Variants in GPC5 observed in about 807,000 individuals in gnomAD.
GPC5 encodes glypican-5.
A neutral mutation model predicts 53.9 loss-of-function variants in GPC5; 47 were observed. The ratio of observed to expected loss-of-function variants is 0.87; its 90% confidence interval spans 0.69 to 1.11. GPC5 has a LOEUF of 1.11. Ranked by LOEUF, GPC5 falls within the 50% of genes most tolerant of loss-of-function variation. The pLI is 0.00. For synonymous variants in GPC5, 286 were observed against 263.3 expected (o/e 1.09, Z -0.84); for missense variants, 748 against 713.1 (o/e 1.05, Z -0.56).
chr13:91,627,622 CT>C (rs1003618305), intron 2 of GPC5, among the ~76,000 whole-genome samples: 18 of 151,882 alleles, frequency 1.2e-4, no homozygotes, highest in African/African-American at 4.4e-4. Flanking sequence ...GATTCTTGTC[CT>C]TGGCCTGAAA....
At chr13:92,075,469 T>A (rs2041244953) in intron 6 of GPC5, among the ~76,000 whole-genome samples, 1 of 152,188 alleles carries the variant, frequency 6.6e-6, no homozygotes. Context: ...AGACATATAT[T>A]TGACCCAATT....
At position 92,163,406 on chromosome 13, in the gene GPC5, A is replaced by G. The variant is rs545389941; in HGVS notation, c.1561+18417A>G. ...AACCTGGGAGGTGGAGGTTGCAGTG[A>G]GCCGAGATTGCACCACTGCAGTCCT... On this transcript the variant is annotated intron_variant, in intron 7 of 7. Coordinates refer to ENST00000377067, the MANE Select transcript of GPC5 (RefSeq NM_004466.6). Among the ~76,000 whole-genome samples, 3 of 149,068 alleles carry G rather than the reference A, an allele frequency of 2.0e-5. No homozygotes were observed. The Admixed American group carries it at 2.1e-4, about 10-fold the overall frequency.
chr13:92,723,181 A>G (rs1160185925), intron 7 of GPC5, among the ~76,000 whole-genome samples: 4 of 151,722 alleles, frequency 2.6e-5, no homozygotes, highest in African/African-American at 4.8e-5. Context: ...GAAACATCCA[A>G]TCCTGGTACT....
In GPC5 at chr13:92,115,989, G is replaced by A. The variant is rs574881594; in HGVS notation, c.1402-28841G>A. ...GAGATAGCTGGGCATGGTTGCTCAC[G>A]CCTGTAATCCTAGCACTTTGGGAGG... is the stretch of plus-strand genomic sequence containing the variant. On this transcript the variant is annotated intron_variant, in intron 6 of 7. Coordinates refer to ENST00000377067, the MANE Select transcript of GPC5 (RefSeq NM_004466.6). Among the ~76,000 whole-genome samples the A allele has an allele frequency of 7.9e-5, 12 of 152,248 alleles. No homozygotes were observed. The South Asian group carries it at 2.5e-3, about 32-fold the overall frequency.
At chr13:91,890,225 G>A (rs912085557) in intron 5 of GPC5, among the ~76,000 whole-genome samples, 5 of 152,128 alleles carry the variant, frequency 3.3e-5, no homozygotes, top group Admixed American at 1.3e-4. Flanking sequence ...GCAGTCTTTC[G>A]TGGTAGTTCT....
At chr13:92,509,283 C>A (rs1880481126) in intron 7 of GPC5, among the ~76,000 whole-genome samples, 1 of 152,038 alleles carries the variant, frequency 6.6e-6, no homozygotes, top group Admixed American at 6.6e-5. Context: ...AGGGGAATTC[C>A]TTTCTTCCCA....
In GPC5 at chr13:92,306,760, A is replaced by G. The variant is rs537645348; in HGVS notation, c.1561+161771A>G. ...TTCATTAGCATTTAGTTCATCAGTT[A>G]CTGTGCATCTCCTGTGCTCCTCATT... On this transcript the variant is annotated intron_variant, in intron 7 of 7. Transcript: ENST00000377067. Among the ~76,000 whole-genome samples the G allele has an allele frequency of 1.8e-4, 28 of 152,272 alleles. 1 individual carries two copies. The South Asian group carries it at 5.6e-3, about 30-fold the overall frequency.
In GPC5 at chr13:91,765,265, G is replaced by A. The variant is rs562793019; in HGVS notation, c.1280+8845G>A. On this transcript the variant is annotated intron_variant, in intron 5 of 7. Transcript: ENST00000377067. ...TAGGACCAATGAATGAGGGAATGCC[G>A]TAGCAGTTCAATCAGCTTTCTTCAA... 1.8e-4 allele frequency among the ~76,000 whole-genome samples: 28 copies of A among 152,344 alleles called. No homozygotes were observed. The South Asian group carries it at 3.9e-3, about 21-fold the overall frequency.
chr13:91,736,338 A>G (rs1054881692), intron 4 of GPC5, among the ~76,000 whole-genome samples: 1 of 151,474 alleles, frequency 6.6e-6, no homozygotes, highest in East Asian at 1.9e-4. Context: ...GTTTAGATGA[A>G]AAGTGTTTTT....
chr13:92,445,294 A>T (rs12867348), intron 7 of GPC5, among the ~76,000 whole-genome samples: 45,531 of 122,572 alleles, frequency 0.37, 8,152 homozygotes, highest in East Asian at 0.63. Flanking sequence ...TCTTTTTGTG[A>T]TTTTTTTTGT....
At chr13:92,143,739 A>G (rs114556116) in intron 6 of GPC5, among the ~76,000 whole-genome samples, 3,860 of 152,262 alleles carry the variant, frequency 0.025, 164 homozygotes, top group African/African-American at 0.089. Flanking sequence ...TGTTTGTAAC[A>G]TGATAAACAT....
chr13:92,386,352 A>G (rs879822801), intron 7 of GPC5, among the ~76,000 whole-genome samples: 2 of 152,056 alleles, frequency 1.3e-5, no homozygotes, highest in African/African-American at 2.4e-5. Flanking sequence ...TACTGGTTTC[A>G]TAACTTCATA....
At chr13:92,427,123 T>C (rs546156926) in intron 7 of GPC5, among the ~76,000 whole-genome samples, 8 of 151,858 alleles carry the variant, frequency 5.3e-5, no homozygotes, top group East Asian at 3.9e-4. Context: ...ACCCAAGGAA[T>C]AGCAATCATT....
chr13:91,412,206 C>G (rs1877850830), intron 1 of GPC5, among the ~76,000 whole-genome samples: 1 of 152,236 alleles, frequency 6.6e-6, no homozygotes, highest in South Asian at 2.1e-4. Context: ...AATTCTCTGC[C>G]TATCACCATT....
chr13:91,868,863 A>G (rs1026842276), intron 5 of GPC5, among the ~76,000 whole-genome samples: 3 of 152,198 alleles, frequency 2.0e-5, no homozygotes, highest in African/African-American at 7.2e-5. Context: ...GGAATGGGTG[A>G]CATAGTACAG....
At chr13:92,591,799 T>C (rs1883720411) in intron 7 of GPC5, among the ~76,000 whole-genome samples, 1 of 152,134 alleles carries the variant, frequency 6.6e-6, no homozygotes, top group Non-Finnish European at 1.5e-5. Flanking sequence ...TCTCTACTTC[T>C]ATGAGATCAA....
In GPC5 at chr13:91,625,456, A is replaced by T. The variant is rs374859545; in HGVS notation, c.326-67731A>T. On this transcript the variant is annotated intron_variant, in intron 2 of 7. Coordinates refer to ENST00000377067, the MANE Select transcript of GPC5 (RefSeq NM_004466.6). ...TTTCTTTATTGAGCATGGAGAAGGCATGGAAGGATATATATCCTAGGCTAT... is the reference window on the plus strand; with the variant it reads ...TTTCTTTATTGAGCATGGAGAAGGCTTGGAAGGATATATATCCTAGGCTAT... Among the ~76,000 whole-genome samples, 16 of 152,196 alleles carry T rather than the reference A, an allele frequency of 1.1e-4. No individual in the cohort carries two copies. In the South Asian group the frequency reaches 3.3e-3, roughly 32 times the overall value.
chr13:92,440,133 A>C (rs927681872), intron 7 of GPC5, among the ~76,000 whole-genome samples: 1 of 152,182 alleles, frequency 6.6e-6, no homozygotes, highest in African/African-American at 2.4e-5. Context: ...CAGGGGGTTC[A>C]TATGCAGGTG....
At chr13:91,593,464 C>T (rs2032878746) in intron 2 of GPC5, among the ~76,000 whole-genome samples, 1 of 70,204 alleles carries the variant, frequency 1.4e-5, no homozygotes. Flanking sequence ...AGTATGATGT[C>T]TCTGGGCCTT....
Sources: allele counts gnomAD v4.1 joint callset (sites outside exome capture counted in the v4.1 genomes callset), GRCh38; gene constraint gnomAD v4.1.1; transcripts MANE v1.5; gene names NCBI Gene and HGNC (gene_info 2026-07-23, HGNC 2026-07-21).